CERK: variants seen among roughly 807,000 people sequenced by gnomAD.
The protein encoded by CERK is ceramide kinase.
A neutral mutation model predicts 63.4 loss-of-function variants in CERK; 39 were observed. The ratio of observed to expected loss-of-function variants is 0.61; its 90% CI spans 0.48 to 0.80. CERK has a LOEUF of 0.80. Ranked by LOEUF, CERK falls within the 30% of genes least tolerant of loss-of-function variation. The pLI is 0.00. For synonymous variants in CERK, 302 were observed against 280.0 expected (o/e 1.08, Z -0.78); for missense variants, 670 against 714.1 (o/e 0.94, Z 0.70).
chr22:46,704,099 G>T (rs1421693131), intron 6 of CERK, among the ~76,000 whole-genome samples: 1 of 152,204 alleles, frequency 6.6e-6, no homozygotes, highest in Non-Finnish European at 1.5e-5. Context: ...CATTTGGTGG[G>T]GTGCCTGCTG....
At chr22:46,723,873 C>G (rs754035895) in intron 1 of CERK, among the ~76,000 whole-genome samples, 1 of 151,992 alleles carries the variant, frequency 6.6e-6, no homozygotes, top group Non-Finnish European at 1.5e-5. Flanking sequence ...AACTTTTGTA[C>G]TTTTAGTAGA....
chr22:46,714,039 G>A lies in CERK; in HGVS notation c.380-1746C>T, dbSNP rs1267376849. On this transcript the variant is annotated intron_variant, in intron 3 of 12. Transcript: ENST00000216264. This position sits in a 1 kb window ranked among gnomAD's most constrained non-coding sequence, Gnocchi z 4.4. ...TAATCCCAACACTTTGGGAGGCCGAGGTGGGCAGATCACTTGAGGTCAGGT... is the reference window on the plus strand; with the variant it reads ...TAATCCCAACACTTTGGGAGGCCGAAGTGGGCAGATCACTTGAGGTCAGGT... Among the ~76,000 whole-genome samples, 1 of 152,232 alleles carries A rather than the reference G, an allele frequency of 6.6e-6. No individual in the cohort carries two copies. Among genetic ancestry groups the A allele is most frequent in the Non-Finnish European group, 1.5e-5 (1 of 68,042 alleles).
chr22:46,714,453 C>G lies in CERK; in HGVS notation c.380-2160G>C, dbSNP rs893670757. ...AGTGAGACATTACTCCAGATTCTAC[C>G]AATATTACAAAGAAAATGAAAGAAT... On this transcript the variant is annotated intron_variant, in intron 3 of 12. Transcript: ENST00000216264. This position sits in a 1 kb window ranked among gnomAD's most constrained non-coding sequence, Gnocchi z 4.4. 6.6e-6 allele frequency among the ~76,000 whole-genome samples: 1 copy of G among 152,116 alleles called. No homozygotes were observed. The highest frequency in any genetic ancestry group is 1.5e-5 in the Non-Finnish European group (1 of 68,038).
At chr22:46,718,655 G>A (rs982601751) in intron 3 of CERK, among the ~76,000 whole-genome samples, 10 of 152,212 alleles carry the variant, frequency 6.6e-5, no homozygotes, top group Non-Finnish European at 1.0e-4. Context: ...ATATGGGAAT[G>A]CCTCCTTTTA....
chr22:46,722,556 C>CT (rs556829995), intron 1 of CERK, among the ~76,000 whole-genome samples: 9,240 of 125,538 alleles, frequency 0.074, 372 homozygotes, highest in African/African-American at 0.086. Flanking sequence ...GGCCTCCCAT[C>CT]TTTTTTTTTT....
chr22:46,732,000 G>A (rs913361383), intron 1 of CERK, among the ~76,000 whole-genome samples: 9 of 152,214 alleles, frequency 5.9e-5, no homozygotes, highest in Non-Finnish European at 7.3e-5. Context: ...AGGAGGGGTC[G>A]GGAGGGGAAG....
intron 1 of CERK, among the ~76,000 whole-genome samples, chr22:46,735,790 A>T (rs2082970179): frequency 6.6e-6 from 1 of 152,228 alleles, no homozygotes; most frequent in Non-Finnish European, 1.5e-5. Context: ...GCTGGTTCAC[A>T]TTCTTCTGCC....
At chr22:46,691,908 C>G (rs889730272) in intron 10 of CERK, 131 bp from the exon 11 acceptor site, 2 of 654,970 alleles carry the variant, frequency 3.1e-6, no homozygotes, top group Non-Finnish European at 2.6e-6. Flanking sequence ...GCAATCGACT[C>G]TTCAGCTCAA....
At chr22:46,708,864 A>G (rs780533762) in intron 5 of CERK, among the ~76,000 whole-genome samples, 9 of 152,178 alleles carry the variant, frequency 5.9e-5, no homozygotes, top group Non-Finnish European at 1.2e-4. Flanking sequence ...GTCCGCCGGT[A>G]GAGGAGCGGT....
chr22:46,711,891 C>A (rs2111399), intron 4 of CERK, among the ~76,000 whole-genome samples: 4,810 of 152,184 alleles, frequency 0.032, 244 homozygotes, highest in African/African-American at 0.11. Context: ...GGTTCGAAAC[C>A]AGCCTAAGCA....
chr22:46,704,926 G>C lies in CERK; in HGVS notation c.715+2917C>G, dbSNP rs78854279. On this transcript the variant is annotated intron_variant, in intron 6 of 12. Transcript: ENST00000216264. ...TTTACAAAAGCACACAATGCAAACA[G>C]CAAGAGGACCTGTGAAAAGCAGTGT... 5.9e-3 allele frequency among the ~76,000 whole-genome samples: 903 copies of C among 152,076 alleles called. 9 individuals are homozygous for C. The highest frequency in any genetic ancestry group is 0.021 in the African/African-American group (866 of 41,448).
chr22:46,687,006 TA>T lies in CERK; in HGVS notation c.*127del. 1.2e-6 allele frequency: 1 copy of T among 842,178 alleles called. No individual in the cohort carries two copies. Among genetic ancestry groups the T allele is most frequent in the Non-Finnish European group, 1.8e-6 (1 of 549,550 alleles). 52.2% of individuals were successfully genotyped at this position (842,178 alleles called of 1,614,324 possible). A position where few individuals can be genotyped will look rare whatever the true frequency, so the allele number is the denominator to read the frequency against. On this transcript the variant is annotated 3_prime_UTR_variant, in exon 13 of 13. Transcript: ENST00000216264. ...AATTGTTGACAAAAGGGTTTTCTTC[TA>T]AAATCAAGATTTAACTATCAAAAAT...
chr22:46,708,793 C>G (rs1356696303), intron 5 of CERK, among the ~76,000 whole-genome samples: 7 of 152,100 alleles, frequency 4.6e-5, no homozygotes, highest in African/African-American at 1.7e-4. Flanking sequence ...CTGGACATCT[C>G]TATAGCCTAC....
chr22:46,719,087 G>A (rs143098803), intron 3 of CERK, among the ~76,000 whole-genome samples: 225 of 152,040 alleles, frequency 1.5e-3, no homozygotes, highest in African/African-American at 5.3e-3. Context: ...TGCCTATTAA[G>A]GTTATAAGCA....
At chr22:46,691,084 C>CAT (rs1555982637) in intron 11 of CERK, among the ~76,000 whole-genome samples, 2 of 151,204 alleles carry the variant, frequency 1.3e-5, no homozygotes, top group Non-Finnish European at 2.9e-5. Context: ...CACACACACA[C>CAT]ATATATTTGA....
chr22:46,726,191 G>A (rs111241334), intron 1 of CERK, among the ~76,000 whole-genome samples: 243 of 152,366 alleles, frequency 1.6e-3, no homozygotes, highest in African/African-American at 5.5e-3. Context: ...TCACGCAGCC[G>A]TCGGGAGGCC....
At chr22:46,694,036 C>A (rs951470192) in intron 9 of CERK, among the ~76,000 whole-genome samples, 47 of 152,194 alleles carry the variant, frequency 3.1e-4, no homozygotes, top group Non-Finnish European at 1.5e-5. Flanking sequence ...AATCGCTCAT[C>A]AGCAGCCGAG....
rs955229723 is a variant in CERK at position 46,728,136 on chromosome 22, C to A, written c.143-7121G>T. On this transcript the variant is annotated intron_variant, in intron 1 of 12. Transcript: ENST00000216264. ...TAGACGACACCCGCAGAACTGAAGT[C>A]CATACCAGCTGGCATCTCAACACAG... 3.3e-5 allele frequency among the ~76,000 whole-genome samples: 5 copies of A among 152,126 alleles called. 1 individual carries two copies. In the South Asian group the frequency reaches 1.0e-3, roughly 32 times the overall value.
chr22:46,696,859 A>T (rs2146548640), intron 8 of CERK, among the ~76,000 whole-genome samples: 1 of 152,006 alleles, frequency 6.6e-6, no homozygotes, highest in Non-Finnish European at 1.5e-5. Flanking sequence ...CCAGGCATGC[A>T]GGGGGGCTGC....
Sources: allele counts gnomAD v4.1 joint callset (sites outside exome capture counted in the v4.1 genomes callset), GRCh38; gene constraint gnomAD v4.1.1; non-coding constraint Gnocchi (gnomAD v3.1); transcripts MANE v1.5; gene names NCBI Gene and HGNC (gene_info 2026-07-23, HGNC 2026-07-21).